PIGZ: variants seen among roughly 807,000 people sequenced by gnomAD.
PIGZ encodes GPI alpha-1,2-mannosyltransferase 4.
In PIGZ, 16 loss-of-function variants were observed where a neutral mutation model predicts 16.4. The ratio of observed to expected loss-of-function variants is 0.97; its 90% CI spans 0.66 to 1.48. PIGZ has a LOEUF of 1.48. Ranked by LOEUF, PIGZ falls within the 40% of genes most tolerant of loss-of-function variation. The pLI, the probability that PIGZ is intolerant of heterozygous loss-of-function variation, is 0.00. For synonymous variants in PIGZ, 409 were observed against 338.4 expected (o/e 1.21, Z -2.29); for missense variants, 770 against 739.2 (o/e 1.04, Z -0.48).
chr3:196,952,612 A>G (rs1299510424), intron 1 of PIGZ, among the ~76,000 whole-genome samples: 2 of 152,008 alleles, frequency 1.3e-5, no homozygotes, highest in African/African-American at 2.4e-5. Context: ...TAATTTTTGT[A>G]TTTTTAGTAG....
rs905573856 is a variant in PIGZ at position 196,964,991 on chromosome 3, C to T, written c.-1+3696G>A. Among the ~76,000 whole-genome samples, 3 of 152,178 alleles carry T rather than the reference C, an allele frequency of 2.0e-5. No individual in the cohort carries two copies. The South Asian group carries it at 6.2e-4, about 32-fold the overall frequency. On this transcript the variant is annotated intron_variant, in intron 1 of 2. Transcript: ENST00000412723. ...GACTCCACTGCCCTGCTCCACTGCC[C>T]GTTAGGCTTCTGTACCTGCTTCAAA...
chr3:196,947,943 CAGGTG>C lies in PIGZ; in HGVS notation c.949_953del (p.His317GlyfsTer67). Reference sequence around the variant, plus strand: ...CGAAGAGCAGGAAGCCGTTGACTGCCAGGTGAGTGAGCCGCGCGTGCGTGCCATGT... The same window carrying C: ...CGAAGAGCAGGAAGCCGTTGACTGCCAGTGAGCCGCGCGTGCGTGCCATGT... On this transcript the variant is annotated frameshift_variant, in exon 3 of 3. Transcript: ENST00000412723. LOFTEE classifies it low-confidence loss of function (END_TRUNC). The C allele has an allele frequency of 1.2e-6, 2 of 1,613,538 alleles. No homozygotes were observed. The highest frequency in any genetic ancestry group is 1.7e-6 in the Non-Finnish European group (2 of 1,179,730).
At position 196,957,728 on chromosome 3, in the gene PIGZ, TCA is replaced by T. The variant is rs1347778508; in HGVS notation, c.1-5699_1-5698del. Among the ~76,000 whole-genome samples, 6 of 152,206 alleles carry T rather than the reference TCA, an allele frequency of 3.9e-5. No individual in the cohort carries two copies. In the East Asian group the frequency reaches 7.7e-4, roughly 20 times the overall value. On this transcript the variant is annotated intron_variant, in intron 1 of 2. Coordinates refer to ENST00000412723, the MANE Select transcript of PIGZ (RefSeq NM_025163.4). Reference sequence around the variant, plus strand: ...TATATTAGAACGTGGCCCTCCAGAGTCACAGTTTTGCGGGGAGTCTCCTGTTA... The same window carrying T: ...TATATTAGAACGTGGCCCTCCAGAGTCAGTTTTGCGGGGAGTCTCCTGTTA...
In PIGZ at chr3:196,947,933, C is replaced by T. The variant is rs549158792; in HGVS notation, c.964G>A (p.Gly322Ser). ...HARLTHLAVN[G>S]FLLFGVLHAQ... ...TGCAGCACCCCGAAGAGCAGGAAGC[C>T]GTTGACTGCCAGGTGAGTGAGCCGC... The change falls in exon 3 of 3, where the codon GGC becomes AGC. Residue 322 changes from glycine to serine, a missense_variant. Transcript: ENST00000412723. 10 of 1,613,696 alleles carry T rather than the reference C, an allele frequency of 6.2e-6. No homozygotes were observed. The highest frequency in any genetic ancestry group is 4.5e-5 in the East Asian group (2 of 44,878).
At position 196,946,604 on chromosome 3, in the gene PIGZ, G is replaced by A. The variant is rs1322441969; in HGVS notation, c.*553C>T. 2 of 152,366 alleles carry A rather than the reference G, an allele frequency of 1.3e-5. No individual in the cohort carries two copies. Among genetic ancestry groups the A allele is most frequent in the African/African-American group, 4.8e-5 (2 of 41,446 alleles). 9.4% of individuals were successfully genotyped at this position (152,366 alleles called of 1,614,324 possible). A position where few individuals can be genotyped will look rare whatever the true frequency, so the allele number is the denominator to read the frequency against. ...TGGGAAGTGGGGTGGGTGAGTGGAA[G>A]GAGCTTTCTCAAGATCACACAGCGA... is the stretch of plus-strand genomic sequence containing the variant. On this transcript the variant is annotated 3_prime_UTR_variant, in exon 3 of 3. Coordinates refer to ENST00000412723, the MANE Select transcript of PIGZ (RefSeq NM_025163.4).
intron 1 of PIGZ, among the ~76,000 whole-genome samples, chr3:196,964,053 T>C (rs1717827392): frequency 1.3e-5 from 2 of 152,090 alleles, no homozygotes; most frequent in African/African-American, 4.8e-5. Context: ...TTTTTATTTA[T>C]TTATTTATTT....
chr3:196,956,228 G>T (rs1426441847), intron 1 of PIGZ, among the ~76,000 whole-genome samples: 1 of 152,104 alleles, frequency 6.6e-6, no homozygotes, highest in African/African-American at 2.4e-5. Flanking sequence ...ACTATATGCT[G>T]CTGATAAAGA....
rs201975349 is a variant in PIGZ, at chr3:196,948,302, C to T, written c.595G>A (p.Gly199Ser). Residue 199 changes from glycine to serine, a missense_variant, in exon 3 of 3, where the codon GGC (glycine) becomes AGC (serine). Transcript: ENST00000412723. The part of the protein sequence containing the change: ...LVLVSSHVTW[G>S]PTRKEPAPGP... ...GGCGCCGGCTCCTTGCGTGTAGGGC[C>T]CCACGTTACATGGGAGGATACCAGC... 72 of 1,613,932 alleles carry T rather than the reference C, an allele frequency of 4.5e-5. No individual in the cohort carries two copies. Among genetic ancestry groups the T allele is most frequent in the Non-Finnish European group, 6.1e-5 (72 of 1,180,002 alleles).
rs148796311 is a variant in PIGZ, at chr3:196,950,692, G to A, written c.211+1129C>T. 5.3e-5 allele frequency among the ~76,000 whole-genome samples: 8 copies of A among 152,136 alleles called. No homozygotes were observed. In the East Asian group the frequency reaches 1.5e-3, roughly 29 times the overall value. On this transcript the variant is annotated intron_variant, in intron 2 of 2. Coordinates refer to ENST00000412723, the MANE Select transcript of PIGZ (RefSeq NM_025163.4). ...AACAAATTCACCTGTTGAGCCCTGT[G>A]GCAAAGAAAGCTGATGCCTCCAAAA...
rs1716967594 is a variant in PIGZ, at chr3:196,947,711, G to T, written c.1186C>A (p.Leu396Met). 6.2e-7 allele frequency: 1 copy of T among 1,613,330 alleles called. No individual in the cohort carries two copies. Among genetic ancestry groups the T allele is most frequent in the Non-Finnish European group, 8.5e-7 (1 of 1,179,630 alleles). The change falls in exon 3 of 3, where the codon CTG becomes ATG. Residue 396 changes from leucine to methionine, a missense_variant. Physicochemically the swap from Leu to Met is conservative, Grantham distance 15. Transcript: ENST00000412723. Reference sequence around the variant, plus strand: ...CTACAAAGCAGGACCAGGGGGACCAGGAGGGGAATCAGGAACCGAGCCTCC... The same window carrying T: ...CTACAAAGCAGGACCAGGGGGACCATGAGGGGAATCAGGAACCGAGCCTCC... ...HQEARFLIPLLVPLVLLCSPQ... is the reference protein window; with the variant it reads ...HQEARFLIPLMVPLVLLCSPQ...
rs1205492455 is a variant in PIGZ at position 196,947,991 on chromosome 3, A to G, written c.906T>C (p.Asn302=). 3.7e-6 allele frequency: 6 copies of G among 1,604,232 alleles called. No individual in the cohort carries two copies. The highest frequency in any genetic ancestry group is 5.1e-6 in the Non-Finnish European group (6 of 1,173,644). The part of the protein sequence containing the change: ...TPVNFLHYNL[N]PQNLARHGTH... ...TGCCATGTCTCGCCAGGTTTTGGGG[A>G]TTCAGGTTGTAGTGCAAGAAGTTGA... Residue 302 remains asparagine, a synonymous_variant, in exon 3 of 3, where the codon AAT becomes AAC. Coordinates refer to ENST00000412723, the MANE Select transcript of PIGZ (RefSeq NM_025163.4).
chr3:196,949,060 C>CCCCTTCCTTTCCTTCCTT (rs1717155186), intron 2 of PIGZ, among the ~76,000 whole-genome samples: 1 of 23,548 alleles, frequency 4.2e-5, no homozygotes, highest in African/African-American at 4.3e-4. Flanking sequence ...TCCCTTCCTT[C>CCCCTTCCTTTCCTTCCTT]CCCTTCCTTC....
chr3:196,968,130 C>T (rs1490947956), intron 1 of PIGZ, among the ~76,000 whole-genome samples: 2 of 152,172 alleles, frequency 1.3e-5, no homozygotes, highest in Non-Finnish European at 2.9e-5. Flanking sequence ...GCTTTTTGCG[C>T]GCCCCCATGC....
intron 1 of PIGZ, among the ~76,000 whole-genome samples, chr3:196,958,510 C>T (rs902590752): frequency 6.6e-5 from 10 of 152,184 alleles, no homozygotes; most frequent in Non-Finnish European, 1.0e-4. Context: ...GGGCGCCTGT[C>T]ATCCCAGCTA....
chr3:196,948,426 G>C lies in PIGZ; in HGVS notation c.471C>G (p.Asn157Lys). 1 of 1,614,192 alleles carries C rather than the reference G, an allele frequency of 6.2e-7. No individual in the cohort carries two copies. The highest frequency in any genetic ancestry group is 1.1e-5 in the South Asian group (1 of 91,088). Residue 157 changes from asparagine to lysine, a missense_variant, in exon 3 of 3, where the codon AAC becomes AAG. By Grantham distance (94) the Asn-to-Lys change is moderately conservative. Transcript: ENST00000412723. ...AGGAACCAGACAGCAGGGCCAGGGC[G>C]TTCCAGCGATCCGCCCCCATCGGCG... ...LAPPMGADRW[N>K]ALALLSGSYV... is the part of the protein sequence containing the mutation.
chr3:196,960,715 G>GAAAGAAAA (rs1553839818), intron 1 of PIGZ, among the ~76,000 whole-genome samples: 5 of 67,644 alleles, frequency 7.4e-5, no homozygotes, highest in East Asian at 6.4e-4. Flanking sequence ...AAGGAAGGAA[G>GAAAGAAAA]GAAAGAAAGA....
At position 196,951,907 on chromosome 3, in the gene PIGZ, C is replaced by T; in HGVS notation, c.125G>A (p.Ser42Asn). ...GAGACACCACAGCACTCGGAGCAGG[C>T]TGAGACCACCCCAAAGCACCCTGAC... The part of the protein sequence containing the change: ...MAVRVLWGGL[S>N]LLRVLWCLLP... The change falls in exon 2 of 3, where the codon AGC becomes AAC. Residue 42 changes from serine to asparagine, a missense_variant. Coordinates refer to ENST00000412723, the MANE Select transcript of PIGZ (RefSeq NM_025163.4). 1 of 1,614,216 alleles carries T rather than the reference C, an allele frequency of 6.2e-7. No homozygotes were observed. The highest frequency in any genetic ancestry group is 8.5e-7 in the Non-Finnish European group (1 of 1,180,048).
In PIGZ at chr3:196,948,469, GC is replaced by G. The variant is rs1388950872; in HGVS notation, c.427del (p.Ala143ProfsTer54). ...LTALSFALDG[A>X]VYHLAPPMGA... ...CATCGGCGGGGCCAGGTGGTACACG[GC>G]CCCGTCCAGAGCAAAGGAAAGGGCA... On this transcript the variant is annotated frameshift_variant, in exon 3 of 3. Transcript: ENST00000412723. LOFTEE classifies it low-confidence loss of function (END_TRUNC). 6.2e-7 allele frequency: 1 copy of G among 1,613,864 alleles called. No individual in the cohort carries two copies.
In PIGZ at chr3:196,948,443, C is replaced by T. The variant is rs749028791; in HGVS notation, c.454G>A (p.Gly152Arg). Reference protein sequence around the residue: ...GAVYHLAPPMGADRWNALALL... With the variant: ...GAVYHLAPPMRADRWNALALL... ...GCCAGGGCGTTCCAGCGATCCGCCC[C>T]CATCGGCGGGGCCAGGTGGTACACG... is the stretch of plus-strand genomic sequence containing the variant. The change falls in exon 3 of 3, where the codon GGG becomes AGG. Residue 152 changes from glycine (G) to arginine (R), a missense_variant. Transcript: ENST00000412723. 1.2e-6 allele frequency: 2 copies of T among 1,614,136 alleles called. No homozygotes were observed. Among genetic ancestry groups the T allele is most frequent in the Non-Finnish European group, 1.7e-6 (2 of 1,180,014 alleles).
Sources: gnomAD v4.1 joint callset for allele counts (sites outside exome capture counted in the v4.1 genomes callset) on GRCh38, gnomAD v4.1.1 for gene constraint, MANE v1.5 for transcripts, NCBI Gene and HGNC (gene_info 2026-07-23, HGNC 2026-07-21) for gene names.